Variants in RELN observed in about 807,000 individuals in gnomAD.
The protein encoded by RELN is reelin.
Under a neutral mutation model 427.6 loss-of-function variants are expected in RELN, and 108 were observed. The observed-to-expected ratio is 0.25, with a 90% CI of 0.22 to 0.30. RELN has a LOEUF of 0.30. RELN is among the 10% of genes least tolerant of loss of function. The probability of loss-of-function intolerance (pLI) is 1.00; values close to 1 mark genes in which losing one functional copy is unlikely to be tolerated. For missense variants in RELN, 3,715 were observed against 4,302.8 expected (o/e 0.86, Z 3.82); for synonymous variants, 1,524 against 1,513.4 (o/e 1.01, Z -0.16).
intron 20 of RELN, among the ~76,000 whole-genome samples, chr7:103,617,091 C>G (rs547709480): frequency 2.6e-5 from 4 of 152,088 alleles, no homozygotes; most frequent in Non-Finnish European, 5.9e-5. Context: ...TCACTTTATG[C>G]CTACACTCCC....
intron 27 of RELN, among the ~76,000 whole-genome samples, chr7:103,591,747 G>T (rs971307490): frequency 2.5e-4 from 38 of 152,144 alleles, no homozygotes; most frequent in Admixed American, 2.5e-3. Flanking sequence ...GTTGGAACTT[G>T]AAGTTCTGTG....
At chr7:103,672,224 A>C (rs1224999232) in intron 11 of RELN, among the ~76,000 whole-genome samples, 1 of 152,110 alleles carries the variant, frequency 6.6e-6, no homozygotes, top group Non-Finnish European at 1.5e-5. Flanking sequence ...AATGTGTTAG[A>C]TTCATTGGTT....
intron 8 of RELN, among the ~76,000 whole-genome samples, chr7:103,722,576 T>C (rs182260913): frequency 6.6e-6 from 1 of 152,274 alleles, no homozygotes; most frequent in East Asian, 1.9e-4. Context: ...TGCAAACACC[T>C]GATCAGAAGG....
intron 45 of RELN, among the ~76,000 whole-genome samples, chr7:103,537,777 C>A (rs1361283843): frequency 6.6e-6 from 1 of 152,154 alleles, no homozygotes; most frequent in Non-Finnish European, 1.5e-5. Flanking sequence ...TTTAGGAGAA[C>A]CCCACGTCAG....
At position 103,603,186 on chromosome 7, in the gene RELN, C is replaced by G. The variant is rs1831716890; in HGVS notation, c.3333+118G>C. 1.2e-6 allele frequency: 1 copy of G among 858,844 alleles called. No individual in the cohort carries two copies. Among genetic ancestry groups the G allele is most frequent in the African/African-American group, 1.7e-5 (1 of 60,592 alleles). 53.2% of individuals were successfully genotyped at this position (858,844 alleles called of 1,614,324 possible). A position where few individuals can be genotyped will look rare whatever the true frequency, so the allele number is the denominator to read the frequency against. ...AGGAATAGGAATTTGATAGAGCCCA[C>G]TCAAAAGCGGGGAACGTGGGGAACA... On this transcript the variant is annotated intron_variant, in intron 24 of 64. Coordinates refer to ENST00000428762, the MANE Select transcript of RELN (RefSeq NM_005045.4). This position sits in a 1 kb window ranked among gnomAD's most constrained non-coding sequence, Gnocchi z 4.3.
intron 47 of RELN, among the ~76,000 whole-genome samples, chr7:103,522,920 G>A (rs1297926627): frequency 6.6e-6 from 1 of 151,986 alleles, no homozygotes; most frequent in African/African-American, 2.4e-5. Context: ...ATAGGCCTGT[G>A]CATCAAATAC....
intron 50 of RELN, among the ~76,000 whole-genome samples, chr7:103,514,426 G>A (rs1045636178): frequency 1.3e-5 from 2 of 152,160 alleles, no homozygotes; most frequent in Admixed American, 1.3e-4. Context: ...CTGGGAGGCC[G>A]AGGTGGGCAG....
At chr7:103,859,356 C>T (rs192646829) in intron 2 of RELN, among the ~76,000 whole-genome samples, 5 of 152,132 alleles carry the variant, frequency 3.3e-5, no homozygotes, top group Admixed American at 2.6e-4. Flanking sequence ...TGCAGTGGTG[C>T]GATCTCTGCT....
At chr7:103,741,864 G>A (rs113032172) in intron 6 of RELN, among the ~76,000 whole-genome samples, 1 of 152,188 alleles carries the variant, frequency 6.6e-6, no homozygotes, top group Non-Finnish European at 1.5e-5. Flanking sequence ...CCCAGCGTGA[G>A]CGACGCAGAA....
At chr7:103,576,891 A>G (rs362649) in intron 28 of RELN, among the ~76,000 whole-genome samples, 71,467 of 152,036 alleles carry the variant, frequency 0.47, 16,883 homozygotes, top group East Asian at 0.51. Context: ...ATTTGTCCCA[A>G]TTGCTTTCCA....
At chr7:103,553,372 G>T in intron 40 of RELN, 89 bp downstream of exon 40, 3 of 978,228 alleles carry the variant, frequency 3.1e-6, no homozygotes, top group Non-Finnish European at 3.2e-6. Context: ...AGGTCATAAT[G>T]CATGAAATTA....
chr7:103,642,968 T>C (rs1239558956), intron 16 of RELN, among the ~76,000 whole-genome samples: 2 of 152,134 alleles, frequency 1.3e-5, no homozygotes, highest in East Asian at 3.9e-4. Context: ...AAATTCACTA[T>C]GTTTATATCC....
chr7:103,975,078 G>A (rs1380007757), intron 1 of RELN, among the ~76,000 whole-genome samples: 3 of 152,212 alleles, frequency 2.0e-5, no homozygotes, highest in African/African-American at 4.8e-5. Context: ...GAGTGGGAAA[G>A]TAGAAACACG....
At chr7:103,536,103 A>G (rs1294254968) in intron 45 of RELN, among the ~76,000 whole-genome samples, 1 of 152,058 alleles carries the variant, frequency 6.6e-6, no homozygotes, top group Non-Finnish European at 1.5e-5. Flanking sequence ...TATGGGTGAA[A>G]CTTCTTAGAA....
At position 103,640,132 on chromosome 7, in the gene RELN, T is replaced by A. The variant is rs1242717948; in HGVS notation, c.2069+411A>T. ...ATTTGCTTATCAAATCTGCTAAATT[T>A]GGTCCAGTCCAGTTTCCTTTAGCAT... is the stretch of plus-strand genomic sequence containing the variant. On this transcript the variant is annotated intron_variant, in intron 17 of 64. Coordinates refer to ENST00000428762, the MANE Select transcript of RELN (RefSeq NM_005045.4). The surrounding 1 kb of genome is among the most constrained non-coding windows in gnomAD (Gnocchi z 4.1). 6.6e-6 allele frequency among the ~76,000 whole-genome samples: 1 copy of A among 152,228 alleles called. No individual in the cohort carries two copies. The highest frequency in any genetic ancestry group is 1.5e-5 in the Non-Finnish European group (1 of 68,034).
Position 103,553,497 on chromosome 7 carries a change from G to C in RELN, c.6036C>G (p.Asp2012Glu), listed in dbSNP as rs114461466. 1.6e-5 allele frequency: 26 copies of C among 1,613,858 alleles called. No homozygotes were observed. In the East Asian group the frequency reaches 5.6e-4, roughly 35 times the overall value. Reference protein sequence around the residue: ...EVGEHSITTRDLNVNENTIIQ... With the variant: ...EVGEHSITTRELNVNENTIIQ... Reference sequence around the variant, plus strand: ...TGATGGTGTTCTCATTCACATTTAGGTCACGGGTGGTAATGGAATGCTCAC... The same window carrying C: ...TGATGGTGTTCTCATTCACATTTAGCTCACGGGTGGTAATGGAATGCTCAC... The change falls in exon 40 of 65, where the codon GAC (aspartate) becomes GAG (glutamate). Residue 2012 changes from aspartate to glutamate, a missense_variant. By Grantham distance (45) the Asp-to-Glu change is conservative (BLOSUM62 2). Transcript: ENST00000428762.
At chr7:103,489,608 A>C in intron 60 of RELN, 134 bp downstream of exon 60, 1 of 1,006,160 alleles carries the variant, frequency 9.9e-7, no homozygotes, top group Non-Finnish European at 1.5e-6. Context: ...AAGAGTGACC[A>C]AGGAGTGTGT....
At chr7:103,790,795 C>G (rs1333432286) in intron 3 of RELN, among the ~76,000 whole-genome samples, 1 of 152,006 alleles carries the variant, frequency 6.6e-6, no homozygotes, top group Admixed American at 6.6e-5. Context: ...AACCCTGTCT[C>G]TACTGAAAAT....
intron 10 of RELN, among the ~76,000 whole-genome samples, chr7:103,696,962 TA>T (rs1220396814): frequency 6.6e-6 from 1 of 152,160 alleles, no homozygotes; most frequent in East Asian, 1.9e-4. Flanking sequence ...AGTCTCAACT[TA>T]AAATGTGTTA....
Sources: allele counts gnomAD v4.1 joint callset (sites outside exome capture counted in the v4.1 genomes callset), GRCh38; gene constraint gnomAD v4.1.1; non-coding constraint Gnocchi (gnomAD v3.1); transcripts MANE v1.5; gene names NCBI Gene and HGNC (gene_info 2026-07-23, HGNC 2026-07-21).